SKAP1: variants seen among roughly 807,000 people sequenced by gnomAD.
SKAP1 encodes src kinase-associated phosphoprotein 1.
In SKAP1, 44 loss-of-function variants were observed where a neutral mutation model predicts 58.5. The observed-to-expected ratio is 0.75, with a 90% confidence interval of 0.59 to 0.97. The LOEUF (loss-of-function observed/expected upper bound fraction) is 0.97, where lower values mean the gene tolerates loss of function less well. Ranked by LOEUF, SKAP1 falls within the 50% of genes least tolerant of loss-of-function variation. SKAP1 has a pLI of 0.00. For missense variants in SKAP1, 390 were observed against 435.2 expected (o/e 0.90, Z 0.92); for synonymous variants, 127 against 149.7 (o/e 0.85, Z 1.11).
chr17:48,344,978 T>C (rs541664198), intron 4 of SKAP1, among the ~76,000 whole-genome samples: 3 of 152,368 alleles, frequency 2.0e-5, no homozygotes, highest in African/African-American at 7.2e-5. Flanking sequence ...TTACCAACTT[T>C]ATTCCCAATC....
chr17:48,203,194 C>T (rs1412601092), intron 4 of SKAP1, among the ~76,000 whole-genome samples: 1 of 152,232 alleles, frequency 6.6e-6, no homozygotes, highest in East Asian at 1.9e-4. Context: ...CTCGTCCTTT[C>T]CTGTCCGTGC....
intron 4 of SKAP1, among the ~76,000 whole-genome samples, chr17:48,211,055 CT>C (rs34879216): frequency 2.6e-5 from 4 of 152,070 alleles, no homozygotes; most frequent in African/African-American, 9.6e-5. Context: ...TCATGCTCCT[CT>C]TTTTTTTCCT....
At chr17:48,167,778 A>C (rs2064159303) in intron 10 of SKAP1, among the ~76,000 whole-genome samples, 1 of 152,128 alleles carries the variant, frequency 6.6e-6, no homozygotes, top group Non-Finnish European at 1.5e-5. Flanking sequence ...GTTGCTTTTT[A>C]TTTGACATAG....
At chr17:48,360,933 G>C (rs983032630) in intron 3 of SKAP1, among the ~76,000 whole-genome samples, 1 of 151,964 alleles carries the variant, frequency 6.6e-6, no homozygotes, top group African/African-American at 2.4e-5. Context: ...CTTGCAATGA[G>C]ACAGTGAAAA....
chr17:48,396,849 G>T, intron 1 of SKAP1, 64 bp from the exon 2 acceptor site: 1 of 1,247,640 alleles, frequency 8.0e-7, no homozygotes. Context: ...AAAATCAGAA[G>T]GATTAAGAAA....
At chr17:48,264,782 A>ACACC (rs1555609823) in intron 4 of SKAP1, among the ~76,000 whole-genome samples, 4,512 of 147,054 alleles carry the variant, frequency 0.031, 139 homozygotes, top group Admixed American at 0.1. Flanking sequence ...ACACACACAC[A>ACACC]CCCTCCATCT....
At chr17:48,436,404 C>A in the SKAP1 span, among the ~76,000 whole-genome samples, 3 of 152,092 alleles carry the variant, frequency 2.0e-5, no homozygotes, top group African/African-American at 7.2e-5. Context: ...TCTTAAATAT[C>A]CCTGGACTCC....
intron 1 of SKAP1, among the ~76,000 whole-genome samples, chr17:48,406,351 C>A (rs567510218): frequency 1.3e-5 from 2 of 151,756 alleles, no homozygotes; most frequent in African/African-American, 4.8e-5. Flanking sequence ...ATTGATTAAA[C>A]ACTGAATTAC....
At chr17:48,255,686 C>A (rs1331772538) in intron 4 of SKAP1, among the ~76,000 whole-genome samples, 1 of 151,930 alleles carries the variant, frequency 6.6e-6, no homozygotes, top group South Asian at 2.1e-4. Flanking sequence ...AATCATCCCA[C>A]AATATTCAAA....
chr17:48,410,537 AAGATG>A (rs2067649449), intron 1 of SKAP1, among the ~76,000 whole-genome samples: 1 of 152,132 alleles, frequency 6.6e-6, no homozygotes, highest in Non-Finnish European at 1.5e-5. Flanking sequence ...GGAAATATAT[AAGATG>A]AGCCTAAAGG....
chr17:48,204,972 C>CTTTTCTTTCTTTCTTTCT (rs1567819715), intron 4 of SKAP1, among the ~76,000 whole-genome samples: 3 of 34,568 alleles, frequency 8.7e-5, no homozygotes, highest in African/African-American at 3.5e-4. Flanking sequence ...CTTTTCTTTT[C>CTTTTCTTTCTTTCTTTCT]TTTTCTTTCT....
intron 8 of SKAP1, among the ~76,000 whole-genome samples, chr17:48,180,686 G>A (rs2064356255): frequency 1.3e-5 from 2 of 152,204 alleles, no homozygotes; most frequent in African/African-American, 4.8e-5. Context: ...GTAGGGTGCT[G>A]GAGCTGTCAG....
chr17:48,268,794 A>G (rs1300521754), intron 4 of SKAP1, among the ~76,000 whole-genome samples: 1 of 152,094 alleles, frequency 6.6e-6, no homozygotes, highest in South Asian at 2.1e-4. Context: ...GCCCGGCCTC[A>G]AGTTAATTTT....
intron 4 of SKAP1, among the ~76,000 whole-genome samples, chr17:48,195,944 G>GA (rs1448746423): frequency 2.0e-5 from 3 of 151,674 alleles, no homozygotes; most frequent in South Asian, 2.1e-4. Context: ...GTAGTACAAA[G>GA]AAAAAAAAGC....
At chr17:48,396,390 C>A (rs992659465) in intron 2 of SKAP1, among the ~76,000 whole-genome samples, 3 of 152,150 alleles carry the variant, frequency 2.0e-5, no homozygotes, top group African/African-American at 7.2e-5. Flanking sequence ...TAGCTTTCAC[C>A]ATTTTTTTAG....
chr17:48,415,129 A>G lies in SKAP1; in HGVS notation c.46+14946T>C, dbSNP rs532752986. Among the ~76,000 whole-genome samples, 289 of 152,316 alleles carry G rather than the reference A, an allele frequency of 1.9e-3. 1 individual carries two copies. The highest frequency in any genetic ancestry group is 6.8e-3 in the African/African-American group (283 of 41,576). The stretch of plus-strand genomic sequence containing the variant: ...TTATTTGGAGGCAGGATGAATGGCC[A>G]AATGCTGTTGAAAACAACTCCACCG... On this transcript the variant is annotated intron_variant, in intron 1 of 12. Coordinates refer to ENST00000336915, the MANE Select transcript of SKAP1 (RefSeq NM_003726.4).
At chr17:48,335,985 T>C (rs556279361) in intron 4 of SKAP1, among the ~76,000 whole-genome samples, 1 of 152,280 alleles carries the variant, frequency 6.6e-6, no homozygotes, top group East Asian at 1.9e-4. Context: ...TAAGCTCACA[T>C]GTTGAGAACT....
intron 4 of SKAP1, among the ~76,000 whole-genome samples, chr17:48,191,950 T>G (rs750011433): frequency 2.0e-4 from 30 of 152,220 alleles, no homozygotes; most frequent in Non-Finnish European, 3.5e-4. Flanking sequence ...CAGATTCTAC[T>G]GAGGGTGAGG....
At chr17:48,434,888 C>T (rs1378128290), upstream of SKAP1, among the ~76,000 whole-genome samples, 1 of 152,012 alleles carries the variant, frequency 6.6e-6, no homozygotes, top group Non-Finnish European at 1.5e-5. Flanking sequence ...TTTGGGAGGC[C>T]GAGGCAGGGG....
Sources: allele counts gnomAD v4.1 joint callset (sites outside exome capture counted in the v4.1 genomes callset), GRCh38; gene constraint gnomAD v4.1.1; transcripts MANE v1.5; gene names NCBI Gene and HGNC (gene_info 2026-07-23, HGNC 2026-07-21).